The following PSPH variants were observed in gnomAD, a reference collection of about 807,000 sequenced individuals.
The protein encoded by PSPH is L-3-phosphoserine phosphatase.
PSPH carries 16 observed loss-of-function variants against 23.4 expected under a neutral mutation model. That is an observed-to-expected ratio of 0.68 (90% CI 0.46 to 1.04). PSPH has a LOEUF of 1.04. PSPH is among the 50% of genes least tolerant of loss of function. PSPH has a pLI of 0.00. For missense variants in PSPH, 223 were observed against 273.7 expected, an observed-to-expected ratio of 0.81 and a Z score of 1.31; for synonymous variants, 68 against 99.7, an observed-to-expected ratio of 0.68 and a Z score of 1.89.
intron 4 of PSPH, 90 bp downstream of exon 4, chr7:56,020,983 T>C (rs1789304475): frequency 6.8e-7 from 1 of 1,475,940 alleles, no homozygotes; most frequent in African/African-American, 1.4e-5. Context: ...AGTGCAAATG[T>C]TCCATAGCCA....
chr7:56,028,288 T>C (rs1272136643), intron 3 of PSPH, among the ~76,000 whole-genome samples: 6 of 152,008 alleles, frequency 3.9e-5, no homozygotes, highest in African/African-American at 1.2e-4. Context: ...GCCAATGGTA[T>C]AATCATAGCT....
chr7:56,038,024 C>A (rs930401406), intron 1 of PSPH, among the ~76,000 whole-genome samples: 1 of 151,596 alleles, frequency 6.6e-6, no homozygotes, highest in African/African-American at 2.4e-5. Context: ...CAAATTTTCT[C>A]ATGGCTAATT....
At chr7:56,020,922 TA>T in intron 4 of PSPH, 150 bp downstream of exon 4, 1 of 854,484 alleles carries the variant, frequency 1.2e-6, no homozygotes, top group Non-Finnish European at 1.8e-6. Context: ...AATATTTATA[TA>T]AATGAATGAA....
chr7:56,028,612 A>G (rs1441624571), intron 3 of PSPH, among the ~76,000 whole-genome samples: 1 of 152,040 alleles, frequency 6.6e-6, no homozygotes, highest in African/African-American at 2.4e-5. Flanking sequence ...TAGGAGACTG[A>G]GCTGGATTTT....
chr7:56,039,344 G>C (rs1362172299), intron 1 of PSPH, among the ~76,000 whole-genome samples: 1 of 152,096 alleles, frequency 6.6e-6, no homozygotes, highest in East Asian at 1.9e-4. Flanking sequence ...AAATGAGATT[G>C]AGAAAAGGTA....
At chr7:56,032,818 G>C (rs1791203213) in intron 2 of PSPH, among the ~76,000 whole-genome samples, 2 of 151,268 alleles carry the variant, frequency 1.3e-5, no homozygotes, top group African/African-American at 2.4e-5. Context: ...CAGGCATGGT[G>C]GTGCGTATTT....
intron 5 of PSPH, 23 bp downstream of exon 5, chr7:56,019,577 C>T: frequency 1.2e-6 from 2 of 1,613,080 alleles, no homozygotes; most frequent in East Asian, 2.2e-5. Context: ...CTGAAATACA[C>T]CTGGAGCCGG....
chr7:56,019,783 G>T (rs771559116), intron 4 of PSPH, 49 bp from the exon 5 acceptor site: 1 of 1,607,008 alleles, frequency 6.2e-7, no homozygotes, highest in Non-Finnish European at 8.5e-7. Flanking sequence ...ATGTCCTCAA[G>T]GTTAACATGC....
At chr7:56,017,716 C>CTTTTT (rs35860273) in intron 5 of PSPH, among the ~76,000 whole-genome samples, 1 of 82,382 alleles carries the variant, frequency 1.2e-5, no homozygotes, top group Non-Finnish European at 2.2e-5. Context: ...CACCCAGTTA[C>CTTTTT]TTTTTTTTTT....
chr7:56,046,226 T>C (rs1485592804), intron 1 of PSPH, among the ~76,000 whole-genome samples: 1 of 152,106 alleles, frequency 6.6e-6, no homozygotes, highest in Non-Finnish European at 1.5e-5. Flanking sequence ...AACCTCTGCT[T>C]CCTGGGTTCA....
At chr7:56,029,793 C>G (rs1562807738) in intron 3 of PSPH, among the ~76,000 whole-genome samples, 1 of 152,028 alleles carries the variant, frequency 6.6e-6, no homozygotes, top group African/African-American at 2.4e-5. Flanking sequence ...GAGAACCAAG[C>G]TTATTTGCTT....
At chr7:56,049,558 C>T (rs1294740805) in intron 1 of PSPH, among the ~76,000 whole-genome samples, 3 of 151,976 alleles carry the variant, frequency 2.0e-5, no homozygotes, top group African/African-American at 4.8e-5. Context: ...CCCGCCTCAG[C>T]CTCCCGAGGA....
chr7:56,046,710 G>T (rs1309324754), intron 1 of PSPH, among the ~76,000 whole-genome samples: 3 of 149,908 alleles, frequency 2.0e-5, no homozygotes, highest in Non-Finnish European at 4.4e-5. Context: ...CTTGAACCCA[G>T]AAGGTGGAGG....
At chr7:56,015,250 T>C in intron 6 of PSPH, 79 bp from the exon 7 acceptor site, 2 of 1,526,038 alleles carry the variant, frequency 1.3e-6, no homozygotes, top group Non-Finnish European at 9.1e-7. Context: ...AGATGATATC[T>C]TCACTTAAAT....
chr7:56,019,783 G>A (rs771559116), intron 4 of PSPH, 49 bp from the exon 5 acceptor site: 22 of 1,606,890 alleles, frequency 1.4e-5, no homozygotes, highest in Non-Finnish European at 1.7e-5. Context: ...ATGTCCTCAA[G>A]GTTAACATGC....
intron 1 of PSPH, among the ~76,000 whole-genome samples, chr7:56,044,012 A>G (rs1300937844): frequency 1.3e-5 from 2 of 152,086 alleles, no homozygotes; most frequent in Admixed American, 6.6e-5. Context: ...GCTGAAGTGC[A>G]ATGGCGCGAT....
intron 1 of PSPH, among the ~76,000 whole-genome samples, chr7:56,048,083 A>G (rs1412436002): frequency 6.6e-6 from 1 of 152,106 alleles, no homozygotes. Context: ...GTTCAAAACC[A>G]GCCTGGCTAA....
At chr7:56,037,690 T>A (rs1484532984) in intron 1 of PSPH, among the ~76,000 whole-genome samples, 1 of 151,598 alleles carries the variant, frequency 6.6e-6, no homozygotes, top group Non-Finnish European at 1.5e-5. Flanking sequence ...TAGATCACAT[T>A]TTTGTAAGCT....
chr7:56,050,493 C>T (rs1187777967), intron 1 of PSPH, among the ~76,000 whole-genome samples: 3 of 152,058 alleles, frequency 2.0e-5, no homozygotes, highest in Non-Finnish European at 4.4e-5. Flanking sequence ...CTTGAACTCC[C>T]GGGCACAAGT....
Sources: allele counts gnomAD v4.1 joint callset (sites outside exome capture counted in the v4.1 genomes callset), GRCh38; gene constraint gnomAD v4.1.1; transcripts MANE v1.5; gene names NCBI Gene and HGNC (gene_info 2026-07-23, HGNC 2026-07-21).